OPCML: variants seen among roughly 807,000 people sequenced by gnomAD.
The protein encoded by OPCML is opioid-binding protein/cell adhesion molecule.
OPCML carries 13 observed loss-of-function variants against 37.8 expected under a neutral mutation model. The observed-to-expected ratio is 0.34, with a 90% confidence interval of 0.22 to 0.55. The LOEUF is 0.55. OPCML is among the 20% of genes least tolerant of loss of function. The pLI is 0.91. For synonymous variants in OPCML, 176 were observed against 168.8 expected, an observed-to-expected ratio of 1.04 and a Z score of -0.33; for missense variants, 341 against 435.6, an observed-to-expected ratio of 0.78 and a Z score of 1.93.
intron 1 of OPCML, among the ~76,000 whole-genome samples, chr11:133,271,171 T>TAAGA (rs1941817784): frequency 1.3e-5 from 2 of 152,166 alleles, no homozygotes; most frequent in African/African-American, 4.8e-5. Flanking sequence ...CTCTATAAAA[T>TAAGA]AAGAGGGTGA....
chr11:132,684,828 A>G (rs1391543140), intron 2 of OPCML, among the ~76,000 whole-genome samples: 2 of 152,198 alleles, frequency 1.3e-5, no homozygotes, highest in Admixed American at 6.5e-5. Flanking sequence ...AAGATGATCA[A>G]TGTCTCTTCT....
chr11:133,409,381 A>G (rs1032197880), intron 1 of OPCML, among the ~76,000 whole-genome samples: 2 of 152,206 alleles, frequency 1.3e-5, no homozygotes, highest in Non-Finnish European at 2.9e-5. Flanking sequence ...GAAAATTTAG[A>G]AAAAGCTTTA....
At chr11:133,124,132 T>C (rs536088502) in intron 1 of OPCML, among the ~76,000 whole-genome samples, 1 of 151,774 alleles carries the variant, frequency 6.6e-6, no homozygotes, top group East Asian at 2.0e-4. Flanking sequence ...GGGGGATTAG[T>C]CTACTTCTCC....
intron 4 of OPCML, among the ~76,000 whole-genome samples, chr11:132,505,675 G>A (rs1485793629): frequency 6.6e-6 from 1 of 152,134 alleles, no homozygotes; most frequent in Admixed American, 6.5e-5. Context: ...TCAGATGTGA[G>A]GCTTCAAAAA....
intron 2 of OPCML, among the ~76,000 whole-genome samples, chr11:132,769,041 C>T (rs756581640): frequency 6.7e-6 from 1 of 149,782 alleles, no homozygotes; most frequent in African/African-American, 2.5e-5. Context: ...TTGAGGTCAG[C>T]TCTGTAAGTG....
Position 133,211,887 on chromosome 11 carries a change from T to A in OPCML, c.62-268877A>T, listed in dbSNP as rs1283416364. 6.6e-6 allele frequency among the ~76,000 whole-genome samples: 1 copy of A among 152,222 alleles called. No individual in the cohort carries two copies. Among genetic ancestry groups the A allele is most frequent in the South Asian group, 2.1e-4 (1 of 4,836 alleles). ...AGATAGGGAGTTAAAGAATGCAAAG[T>A]TGAAGCCAAGACTGTCTGCTTCTAA... On this transcript the variant is annotated intron_variant, in intron 1 of 7. Transcript: ENST00000524381. This position sits in a 1 kb window ranked among gnomAD's most constrained non-coding sequence, Gnocchi z 4.1.
chr11:133,493,817 T>C (rs1947720067), intron 1 of OPCML, among the ~76,000 whole-genome samples: 1 of 152,170 alleles, frequency 6.6e-6, no homozygotes, highest in South Asian at 2.1e-4. Context: ...TCTAGGGTTT[T>C]TATGGTTTTA....
chr11:132,638,948 G>T (rs1045753725), intron 3 of OPCML, among the ~76,000 whole-genome samples: 1 of 152,278 alleles, frequency 6.6e-6, no homozygotes, highest in Admixed American at 6.5e-5. Flanking sequence ...CAGTGAACTG[G>T]TTTTTTCTGC....
At chr11:132,862,079 A>G (rs1942330048) in intron 2 of OPCML, among the ~76,000 whole-genome samples, 1 of 152,200 alleles carries the variant, frequency 6.6e-6, no homozygotes, top group Admixed American at 6.5e-5. Flanking sequence ...GATGTTCTGC[A>G]CAACAAAAGC....
chr11:132,706,369 G>A (rs3016383), intron 2 of OPCML, among the ~76,000 whole-genome samples: 64,173 of 151,890 alleles, frequency 0.42, 13,790 homozygotes, highest in Admixed American at 0.5. Context: ...CAACAAAGCT[G>A]GTGAAAAACT....
intron 1 of OPCML, among the ~76,000 whole-genome samples, chr11:133,037,684 C>T (rs1947806692): frequency 6.6e-6 from 1 of 152,206 alleles, no homozygotes; most frequent in South Asian, 2.1e-4. Context: ...GGGAACCCAG[C>T]TGTCTTTGAC....
intron 2 of OPCML, among the ~76,000 whole-genome samples, chr11:132,902,911 C>T (rs1305661075): frequency 6.6e-6 from 1 of 152,066 alleles, no homozygotes; most frequent in Non-Finnish European, 1.5e-5. Context: ...GAGACTTTAT[C>T]TGCATAATAA....
intron 1 of OPCML, among the ~76,000 whole-genome samples, chr11:133,233,584 G>C (rs1024771096): frequency 1.3e-5 from 2 of 152,088 alleles, no homozygotes; most frequent in Non-Finnish European, 2.9e-5. Flanking sequence ...ATATAGTTTT[G>C]AGTCAACCCC....
intron 1 of OPCML, among the ~76,000 whole-genome samples, chr11:133,022,720 A>T (rs2136904892): frequency 6.6e-6 from 1 of 152,274 alleles, no homozygotes; most frequent in Non-Finnish European, 1.5e-5. Flanking sequence ...ACCATGGAAA[A>T]ATATCATCCG....
intron 2 of OPCML, among the ~76,000 whole-genome samples, chr11:132,841,373 A>G (rs1173870741): frequency 1.3e-5 from 2 of 152,212 alleles, no homozygotes. Flanking sequence ...GAGAGTAAAC[A>G]GCAGTTGTGA....
At chr11:132,942,197 G>T (rs1460891786) in intron 2 of OPCML, among the ~76,000 whole-genome samples, 1 of 152,122 alleles carries the variant, frequency 6.6e-6, no homozygotes, top group Non-Finnish European at 1.5e-5. Context: ...AGTCCCCAAA[G>T]GTTCATATTC....
At chr11:133,097,296 G>C (rs1949016929) in intron 1 of OPCML, among the ~76,000 whole-genome samples, 1 of 152,158 alleles carries the variant, frequency 6.6e-6, no homozygotes, top group Non-Finnish European at 1.5e-5. Flanking sequence ...ACTTCTAAAT[G>C]ACCCGTGGGT....
At chr11:133,222,084 C>A (rs1939859703) in intron 1 of OPCML, among the ~76,000 whole-genome samples, 1 of 152,126 alleles carries the variant, frequency 6.6e-6, no homozygotes, top group African/African-American at 2.4e-5. Context: ...CAAATCTATG[C>A]CCTGTAGTCA....
intron 2 of OPCML, among the ~76,000 whole-genome samples, chr11:132,702,699 A>T (rs569538915): frequency 6.6e-6 from 1 of 152,074 alleles, no homozygotes; most frequent in East Asian, 1.9e-4. Flanking sequence ...ATAATGCTAC[A>T]TATTGGCTCA....
Sources: gnomAD v4.1 joint callset for allele counts (sites outside exome capture counted in the v4.1 genomes callset) on GRCh38, gnomAD v4.1.1 for gene constraint, Gnocchi (gnomAD v3.1) non-coding constraint, MANE v1.5 for transcripts, NCBI Gene and HGNC (gene_info 2026-07-23, HGNC 2026-07-21) for gene names.